CLEC1A: variants seen among roughly 807,000 people sequenced by gnomAD.
The protein encoded by CLEC1A is C-type lectin-like receptor-1.
A neutral mutation model predicts 28.7 loss-of-function variants in CLEC1A; 34 were observed. That is an observed-to-expected ratio of 1.18 (90% CI 0.90 to 1.57). The LOEUF (loss-of-function observed/expected upper bound fraction) is 1.57, where lower values mean the gene tolerates loss of function less well. Among genes scored for constraint, CLEC1A ranks in the 40% most tolerant of loss-of-function variants. The pLI is 0.00. For synonymous variants in CLEC1A, 116 were observed against 121.0 expected (o/e 0.96, Z 0.27); for missense variants, 385 against 339.5 (o/e 1.13, Z -1.05).
At position 10,074,900 on chromosome 12, in the gene CLEC1A, C is replaced by T. The variant is rs138086148; in HGVS notation, c.543+604G>A. Among the ~76,000 whole-genome samples, 636 of 152,184 alleles carry T rather than the reference C, an allele frequency of 4.2e-3. 5 individuals carry two copies. Among genetic ancestry groups the T allele is most frequent in the African/African-American group, 0.014 (586 of 41,514 alleles). ...TCTAGAGAAACTGATAAATAAACAA[C>T]GGCCATACTATTTGAGAACTTCAAT... is the stretch of plus-strand genomic sequence containing the variant. On this transcript the variant is annotated intron_variant, in intron 4 of 5. Transcript: ENST00000315330.
chr12:10,098,538 TA>T (rs1419338880), intron 1 of CLEC1A, among the ~76,000 whole-genome samples: 9 of 152,120 alleles, frequency 5.9e-5, no homozygotes, highest in Admixed American at 3.3e-4. Context: ...GTCCTGTGTA[TA>T]TTACCATGTG....
chr12:10,076,062 A>G (rs1419885253), intron 3 of CLEC1A, among the ~76,000 whole-genome samples: 1 of 152,250 alleles, frequency 6.6e-6, no homozygotes, highest in African/African-American at 2.4e-5. Context: ...TAATAGTAAA[A>G]TAAGTTTTAA....
chr12:10,096,450 C>T (rs1294393926), intron 1 of CLEC1A, among the ~76,000 whole-genome samples: 1 of 152,152 alleles, frequency 6.6e-6, no homozygotes, highest in Non-Finnish European at 1.5e-5. Flanking sequence ...TTGTACTGGA[C>T]TAGTGGAAAA....
chr12:10,073,588 G>C (rs1866187513), intron 4 of CLEC1A, among the ~76,000 whole-genome samples, 177 bp from the exon 5 acceptor site: 1 of 152,182 alleles, frequency 6.6e-6, no homozygotes, highest in Non-Finnish European at 1.5e-5. Context: ...ATTTGTCCAG[G>C]TTTAATAACT....
chr12:10,083,977 C>T (rs1051805332), intron 2 of CLEC1A, among the ~76,000 whole-genome samples: 1 of 145,502 alleles, frequency 6.9e-6, no homozygotes, highest in Non-Finnish European at 1.5e-5. Flanking sequence ...TTGAATTACC[C>T]CAATCTGACA....
intron 2 of CLEC1A, among the ~76,000 whole-genome samples, chr12:10,087,800 G>T (rs1435765904): frequency 6.6e-6 from 1 of 150,792 alleles, no homozygotes; most frequent in East Asian, 1.9e-4. Context: ...TGGAATTACA[G>T]GCATGAGCCA....
intron 3 of CLEC1A, among the ~76,000 whole-genome samples, chr12:10,080,182 G>T (rs1043140030): frequency 2.0e-5 from 3 of 152,020 alleles, no homozygotes; most frequent in African/African-American, 7.2e-5. Context: ...GTGCAGTGGT[G>T]CACACCTGTA....
intron 5 of CLEC1A, among the ~76,000 whole-genome samples, chr12:10,072,108 G>C (rs546325651): frequency 6.6e-6 from 1 of 152,242 alleles, no homozygotes; most frequent in South Asian, 2.1e-4. Context: ...CCTCTTCTTG[G>C]TGATGAGTGA....
At chr12:10,082,476 AC>A (rs1381340867) in intron 2 of CLEC1A, among the ~76,000 whole-genome samples, 1 of 151,726 alleles carries the variant, frequency 6.6e-6, no homozygotes, top group Non-Finnish European at 1.5e-5. Flanking sequence ...CTGAGAACCA[AC>A]CCCCATCCCC....
chr12:10,073,425 A>G lies in CLEC1A; in HGVS notation c.544-14T>C, dbSNP rs371697419. The G allele has an allele frequency of 1.3e-5, 20 of 1,594,742 alleles. No individual in the cohort carries two copies. Among genetic ancestry groups the G allele is most frequent in the South Asian group, 6.6e-5 (6 of 90,522 alleles). On this transcript the variant is annotated splice_polypyrimidine_tract_variant and intron_variant, in intron 4 of 5. Transcript: ENST00000315330. ...CGCGGCAAATTCCTGTGAAAAGCAC[A>G]TAAGAAAAGCTTTAGCTTTGGTGGC...
At chr12:10,071,579 A>G in intron 5 of CLEC1A, 66 bp from the exon 6 acceptor site, 1 of 1,287,350 alleles carries the variant, frequency 7.8e-7, no homozygotes, top group South Asian at 1.6e-5. Context: ...TTAAATACCC[A>G]TTCTTTCTAG....
chr12:10,091,941 C>T (rs905199440), intron 1 of CLEC1A, among the ~76,000 whole-genome samples: 2 of 152,000 alleles, frequency 1.3e-5, no homozygotes, highest in African/African-American at 4.8e-5. Context: ...TTTATTTATC[C>T]ATTATTGCAA....
intron 2 of CLEC1A, among the ~76,000 whole-genome samples, chr12:10,088,214 T>C (rs540903668): frequency 5.0e-4 from 76 of 152,282 alleles, no homozygotes; most frequent in African/African-American, 1.7e-3. Flanking sequence ...AAATCCCTCA[T>C]GAATCATAAG....
rs764888596 is a variant in CLEC1A, at chr12:10,071,492, G to A, written c.684C>T (p.Val228=). ...TSELFHIIID[V]TSPRSRDCVA... is the part of the protein sequence containing the mutation. ...CACAGTCTCTGCTTCTTGGGCTGGT[G>A]ACATCTATTATAATATGGAACCTTA... is the stretch of plus-strand genomic sequence containing the variant. Residue 228 remains valine (V), a synonymous_variant, in exon 6 of 6, where the codon GTC becomes GTT. Coordinates refer to ENST00000315330, the MANE Select transcript of CLEC1A (RefSeq NM_016511.4). 1 of 1,610,674 alleles carries A rather than the reference G, an allele frequency of 6.2e-7. No individual in the cohort carries two copies. Among genetic ancestry groups the A allele is most frequent in the Non-Finnish European group, 8.5e-7 (1 of 1,178,292 alleles).
At chr12:10,093,769 G>A (rs1455501416) in intron 1 of CLEC1A, among the ~76,000 whole-genome samples, 1 of 152,042 alleles carries the variant, frequency 6.6e-6, no homozygotes, top group Non-Finnish European at 1.5e-5. Flanking sequence ...GGGCAAAACT[G>A]GTGGCAATGT....
intron 2 of CLEC1A, among the ~76,000 whole-genome samples, chr12:10,085,536 T>TAAAAAAAAAA (rs71049044): frequency 8.5e-5 from 11 of 128,710 alleles, no homozygotes; most frequent in East Asian, 2.7e-4. Context: ...GCAAAAACAG[T>TAAAAAAAAAA]AAAAAAAAAA....
At chr12:10,088,689 T>A (rs1866551712) in intron 2 of CLEC1A, among the ~76,000 whole-genome samples, 1 of 152,116 alleles carries the variant, frequency 6.6e-6, no homozygotes, top group Non-Finnish European at 1.5e-5. Context: ...AAAAATATGG[T>A]GATTAAGGAG....
At chr12:10,076,994 AC>A (rs1235790350) in intron 3 of CLEC1A, among the ~76,000 whole-genome samples, 1 of 152,180 alleles carries the variant, frequency 6.6e-6, no homozygotes, top group Non-Finnish European at 1.5e-5. Context: ...TTTCTTAAAT[AC>A]CTTCAGTCTT....
intron 2 of CLEC1A, among the ~76,000 whole-genome samples, chr12:10,083,054 C>G (rs1866403705): frequency 6.6e-6 from 1 of 152,184 alleles, no homozygotes; most frequent in Admixed American, 6.5e-5. Flanking sequence ...GCAGACATTC[C>G]CCAGCACCAG....
Sources: gnomAD v4.1 joint callset for allele counts (sites outside exome capture counted in the v4.1 genomes callset) on GRCh38, gnomAD v4.1.1 for gene constraint, MANE v1.5 for transcripts, NCBI Gene and HGNC (gene_info 2026-07-23, HGNC 2026-07-21) for gene names.